AKAP7: variants seen among roughly 807,000 people sequenced by gnomAD.
The protein encoded by AKAP7 is A-kinase anchoring protein 7.
A neutral mutation model predicts 39.5 loss-of-function variants in AKAP7; 39 were observed. The observed-to-expected ratio is 0.99, with a 90% CI of 0.76 to 1.29. The LOEUF (loss-of-function observed/expected upper bound fraction) is 1.29. Among genes scored for constraint, AKAP7 ranks in the 50% most tolerant of loss-of-function variants. AKAP7 has a pLI of 0.00. For missense variants in AKAP7, 414 were observed against 407.7 expected (o/e 1.02, Z -0.13); for synonymous variants, 140 against 139.1 (o/e 1.01, Z -0.05).
chr6:131,157,362 C>G (rs551996425), intron 2 of AKAP7, among the ~76,000 whole-genome samples: 2 of 152,130 alleles, frequency 1.3e-5, no homozygotes, highest in Non-Finnish European at 2.9e-5. Context: ...GGATTCTAAC[C>G]CAGGTGCTCT....
At chr6:131,250,685 A>G in intron 7 of AKAP7, 1 of 1,524,958 alleles carries the variant, frequency 6.6e-7, no homozygotes, top group Non-Finnish European at 9.1e-7. Flanking sequence ...TTCTAGGGGT[A>G]GTTTTGCTCT....
At chr6:131,219,887 A>G in intron 7 of AKAP7, 79 bp downstream of exon 7, 1 of 998,924 alleles carries the variant, frequency 1.0e-6, no homozygotes, top group Middle Eastern at 3.3e-4. Flanking sequence ...AAATATTTAA[A>G]CTTAGTTGTA....
rs964305782 is a variant in AKAP7, at chr6:131,256,014, A to C, written c.851-25516A>C. The stretch of plus-strand genomic sequence containing the variant: ...AAATAGATGCTCCCTGTCTCATTTA[A>C]GAGTGCAAGTTGCTGAAAGCCAGAA... On this transcript the variant is annotated intron_variant, in intron 7 of 7. Coordinates refer to ENST00000431975, the MANE Select transcript of AKAP7 (RefSeq NM_016377.4). Among the ~76,000 whole-genome samples, 59 of 152,222 alleles carry C rather than the reference A, an allele frequency of 3.9e-4. 1 individual carries two copies. The highest frequency in any genetic ancestry group is 1.3e-4 in the Non-Finnish European group (9 of 68,044).
At position 131,282,859 on chromosome 6, in the gene AKAP7, G is replaced by A. The variant is rs1015636208; in HGVS notation, c.*1133G>A. The A allele has an allele frequency of 3.0e-6, 1 of 334,830 alleles. No homozygotes were observed. The allele number at this position is 334,830 out of a possible 1,614,324, so 20.7% of individuals were successfully genotyped here. On this transcript the variant is annotated 3_prime_UTR_variant, in exon 8 of 8. Coordinates refer to ENST00000431975, the MANE Select transcript of AKAP7 (RefSeq NM_016377.4). Reference sequence around the variant, plus strand: ...AGAAATGATTTCTTAATTAGCTGTTGTGAGATATTTCTCGGGTCCTTGCAG... The same window carrying A: ...AGAAATGATTTCTTAATTAGCTGTTATGAGATATTTCTCGGGTCCTTGCAG...
intron 7 of AKAP7, among the ~76,000 whole-genome samples, chr6:131,242,613 C>G (rs1179514818): frequency 6.6e-6 from 1 of 151,946 alleles, no homozygotes; most frequent in East Asian, 1.9e-4. Flanking sequence ...CACTAGCAGA[C>G]ACTAGTAGCT....
At chr6:131,209,109 T>C (rs1266175758) in intron 6 of AKAP7, among the ~76,000 whole-genome samples, 1 of 152,212 alleles carries the variant, frequency 6.6e-6, no homozygotes, top group African/African-American at 2.4e-5. Flanking sequence ...GACTGTTTTG[T>C]AGCCATTAGT....
intron 6 of AKAP7, among the ~76,000 whole-genome samples, chr6:131,209,822 T>C (rs1808483602): frequency 1.3e-5 from 2 of 150,330 alleles, no homozygotes; most frequent in Non-Finnish European, 3.0e-5. Context: ...TATAGGCAAC[T>C]GGCAAGTCCC....
intron 7 of AKAP7, chr6:131,250,102 C>T: frequency 2.2e-6 from 2 of 906,292 alleles, no homozygotes; most frequent in Non-Finnish European, 1.3e-6. Flanking sequence ...AAGGCTCTTC[C>T]TCTTTAAGTA....
At chr6:131,230,404 A>G (rs1810533923) in intron 7 of AKAP7, among the ~76,000 whole-genome samples, 1 of 152,140 alleles carries the variant, frequency 6.6e-6, no homozygotes, top group East Asian at 1.9e-4. Context: ...TCTTTTGAGA[A>G]GTATCTGTTC....
chr6:131,164,492 G>A, intron 3 of AKAP7: 2 of 453,812 alleles, frequency 4.4e-6, no homozygotes, highest in Admixed American at 4.7e-5. Context: ...TGTGCATTTG[G>A]ACTTCTTTGC....
rs1012904275 is a variant in AKAP7, at chr6:131,135,701, G to A, written c.-63G>A. On this transcript the variant is annotated 5_prime_UTR_variant, in exon 1 of 8. Transcript: ENST00000431975. ...CCGCCTCGGCCTCGCCTCCAGCCCC[G>A]GGACGCGGCCCGCCACCGCCGCTGC... is the stretch of plus-strand genomic sequence containing the variant. 5.1e-6 allele frequency: 6 copies of A among 1,168,792 alleles called. No homozygotes were observed. Among genetic ancestry groups the A allele is most frequent in the Non-Finnish European group, 6.3e-6 (6 of 950,018 alleles). 72.4% of individuals were successfully genotyped at this position (1,168,792 alleles called of 1,614,324 possible). A position where few individuals can be genotyped will look rare whatever the true frequency, so the allele number is the denominator to read the frequency against.
intron 2 of AKAP7, among the ~76,000 whole-genome samples, chr6:131,150,980 TA>T (rs1801862917): frequency 6.6e-6 from 1 of 152,168 alleles, no homozygotes; most frequent in South Asian, 2.1e-4. Context: ...TTTATAATAA[TA>T]ATATTGAGCT....
At chr6:131,207,110 G>C (rs1274222964) in intron 6 of AKAP7, among the ~76,000 whole-genome samples, 1 of 152,094 alleles carries the variant, frequency 6.6e-6, no homozygotes, top group African/African-American at 2.4e-5. Flanking sequence ...TAAACAGTTT[G>C]ACCAAATTGC....
At chr6:131,185,036 T>A in intron 5 of AKAP7, 1 of 733,964 alleles carries the variant, frequency 1.4e-6, no homozygotes, top group Non-Finnish European at 2.6e-6. Flanking sequence ...GCTTTCGTGC[T>A]TGACTGTTTG....
At chr6:131,250,244 A>G (rs781076192) in intron 7 of AKAP7, 21 of 1,077,690 alleles carry the variant, frequency 1.9e-5, no homozygotes, top group Non-Finnish European at 2.3e-5. Flanking sequence ...ATAGCCAGAC[A>G]GAACACATGG....
intron 7 of AKAP7, among the ~76,000 whole-genome samples, chr6:131,227,904 G>T (rs772622291): frequency 3.1e-4 from 47 of 152,148 alleles, no homozygotes; most frequent in Non-Finnish European, 6.0e-4. Context: ...AGGCTTGCTA[G>T]TCTTAAAAGG....
At chr6:131,244,072 G>A (rs1396844402) in intron 7 of AKAP7, among the ~76,000 whole-genome samples, 1 of 149,882 alleles carries the variant, frequency 6.7e-6, no homozygotes, top group African/African-American at 2.5e-5. Flanking sequence ...ACTCATGTCA[G>A]TTTTTGTGAT....
intron 2 of AKAP7, 86 bp from the exon 3 acceptor site, chr6:131,159,973 C>A: frequency 1.7e-6 from 2 of 1,200,086 alleles, no homozygotes; most frequent in Non-Finnish European, 2.3e-6. Flanking sequence ...TGAATGATTG[C>A]TACTTATATA....
chr6:131,276,509 A>T (rs1167430982), intron 7 of AKAP7, among the ~76,000 whole-genome samples: 1 of 151,948 alleles, frequency 6.6e-6, no homozygotes, highest in Non-Finnish European at 1.5e-5. Flanking sequence ...ATCTATATTT[A>T]GTGCTTCTTT....
Sources: allele counts gnomAD v4.1 joint callset (sites outside exome capture counted in the v4.1 genomes callset), GRCh38; gene constraint gnomAD v4.1.1; transcripts MANE v1.5; gene names NCBI Gene and HGNC (gene_info 2026-07-23, HGNC 2026-07-21).